EPM2A: variants seen among roughly 807,000 people sequenced by gnomAD.
EPM2A encodes the protein EPM2A glucan phosphatase, laforin.
A neutral mutation model predicts 26.5 loss-of-function variants in EPM2A; 21 were observed. That is an observed-to-expected ratio of 0.79 (90% CI 0.56 to 1.14). EPM2A has a LOEUF of 1.14. Ranked by LOEUF, EPM2A falls within the 50% of genes most tolerant of loss-of-function variation. EPM2A has a pLI of 0.00. For missense variants in EPM2A, 458 were observed against 440.8 expected, an observed-to-expected ratio of 1.04 and a Z score of -0.35; for synonymous variants, 217 against 177.6, an observed-to-expected ratio of 1.22 and a Z score of -1.76.
intron 2 of EPM2A, among the ~76,000 whole-genome samples, chr6:145,653,295 T>A (rs576359616): frequency 6.6e-6 from 1 of 152,290 alleles, no homozygotes; most frequent in Non-Finnish European, 1.5e-5. Context: ...TATCTGATGG[T>A]TTTATAAGGC....
chr6:145,569,234 T>C (rs1258890317), intron 2 of EPM2A, among the ~76,000 whole-genome samples: 3 of 152,230 alleles, frequency 2.0e-5, no homozygotes, highest in Non-Finnish European at 4.4e-5. Context: ...GCCGTGAATT[T>C]TGTAAACATG....
At chr6:145,434,925 T>C (rs1778969546) in intron 4 of EPM2A, among the ~76,000 whole-genome samples, 1 of 151,850 alleles carries the variant, frequency 6.6e-6, no homozygotes, top group South Asian at 2.1e-4. Context: ...GGTGCTGTCC[T>C]CAAGATAATA....
intron 2 of EPM2A, among the ~76,000 whole-genome samples, chr6:145,677,012 A>T (rs1780099392): frequency 6.6e-6 from 1 of 152,240 alleles, no homozygotes; most frequent in African/African-American, 2.4e-5. Context: ...ATCCCTGATG[A>T]ACATCGATGC....
chr6:145,656,641 G>C (rs1778311454), intron 2 of EPM2A, among the ~76,000 whole-genome samples: 1 of 151,010 alleles, frequency 6.6e-6, no homozygotes. Context: ...TCAATATCAG[G>C]TTTTGGCAAC....
chr6:145,496,024 T>A (rs992373683), intron 4 of EPM2A, among the ~76,000 whole-genome samples: 3 of 152,232 alleles, frequency 2.0e-5, no homozygotes, highest in Non-Finnish European at 2.9e-5. Flanking sequence ...AGCATTTGCT[T>A]GTCTCTAAAG....
intron 4 of EPM2A, among the ~76,000 whole-genome samples, chr6:145,468,600 C>A (rs1052831303): frequency 2.7e-5 from 4 of 150,412 alleles, no homozygotes; most frequent in African/African-American, 9.8e-5. Flanking sequence ...TAAAACTAGA[C>A]CTCTATCTCT....
chr6:145,582,101 T>C (rs145176859), intron 2 of EPM2A, among the ~76,000 whole-genome samples: 5 of 152,322 alleles, frequency 3.3e-5, no homozygotes, highest in African/African-American at 7.2e-5. Flanking sequence ...CCTCTTCACA[T>C]TGCTTTTGCT....
chr6:145,459,217 G>A (rs545531394), intron 4 of EPM2A, among the ~76,000 whole-genome samples: 1 of 152,320 alleles, frequency 6.6e-6, no homozygotes, highest in Admixed American at 6.5e-5. Flanking sequence ...AAATTACTAA[G>A]AGGTGATATC....
chr6:145,715,705 C>T (rs55658016), intron 1 of EPM2A, among the ~76,000 whole-genome samples: 10,158 of 152,124 alleles, frequency 0.067, 1,140 homozygotes, highest in African/African-American at 0.23. Context: ...CATAGGAGTG[C>T]AAACCCTATT....
chr6:145,619,065 G>C (rs1775575363), intron 2 of EPM2A, among the ~76,000 whole-genome samples: 1 of 152,068 alleles, frequency 6.6e-6, no homozygotes, highest in Non-Finnish European at 1.5e-5. Flanking sequence ...AAATGGAGGA[G>C]AGATGGCAAA....
At chr6:145,670,828 T>C (rs1315728672) in intron 2 of EPM2A, 64 of 778,928 alleles carry the variant, frequency 8.2e-5, no homozygotes, top group Non-Finnish European at 9.5e-5. Flanking sequence ...TTTGACCGTA[T>C]GAACAGCATT....
intron 2 of EPM2A, among the ~76,000 whole-genome samples, chr6:145,661,454 G>GC (rs1268805811): frequency 6.6e-6 from 1 of 152,164 alleles, no homozygotes; most frequent in Non-Finnish European, 1.5e-5. Context: ...TTGTTTAAAT[G>GC]CAAGGGAATC....
intron 2 of EPM2A, among the ~76,000 whole-genome samples, chr6:145,683,355 ATATAT>A (rs1300010796): frequency 4.7e-5 from 7 of 149,148 alleles, no homozygotes; most frequent in African/African-American, 7.3e-5. Context: ...ATACATACAC[ATATAT>A]TATTTATTAT....
In EPM2A at chr6:145,735,439, C is replaced by T; in HGVS notation, c.60G>A (p.Leu20=). Residue 20 remains leucine (L), a synonymous_variant, in exon 1 of 4, where the codon CTG becomes CTA. Transcript: ENST00000367519. ...GCTCGGGCCGCGACCCCACCACCAG[C>T]AGCTCCGGCCGGGCGCCGGCCACGG... ...PPAVAGARPE[L]LVVGSRPELG... 1 of 1,250,698 alleles carries T rather than the reference C, an allele frequency of 8.0e-7. No individual in the cohort carries two copies. The highest frequency in any genetic ancestry group is 2.7e-5 in the South Asian group (1 of 37,130). The allele number at this position is 1,250,698 out of a possible 1,614,324, so 77.5% of individuals were successfully genotyped here. A position where few individuals can be genotyped will look rare whatever the true frequency, so the allele number is the denominator to read the frequency against.
intron 1 of EPM2A, among the ~76,000 whole-genome samples, chr6:145,731,293 A>G (rs1023690935): frequency 2.6e-5 from 4 of 152,188 alleles, no homozygotes; most frequent in Non-Finnish European, 4.4e-5. Context: ...TAAACCTAAC[A>G]ACTTCAACAG....
Position 145,425,859 on chromosome 6 carries a change from A to C in EPM2A, c.556-41762T>G, listed in dbSNP as rs138956101. Among the ~76,000 whole-genome samples the C allele has an allele frequency of 2.6e-5, 4 of 152,250 alleles. No homozygotes were observed. The East Asian group carries it at 5.8e-4, about 22-fold the overall frequency. ...ATTCCTTTCCACTCACAAAGACTGC[A>C]GTGAACTTAGGTATTACTATTAGAT... On this transcript the variant is annotated intron_variant, in intron 4 of 4. Coordinates refer to the EPM2A transcript ENST00000638717.
chr6:145,617,366 G>A (rs1278339244), intron 2 of EPM2A, among the ~76,000 whole-genome samples: 1 of 152,052 alleles, frequency 6.6e-6, no homozygotes, highest in East Asian at 1.9e-4. Context: ...GTAAATAACC[G>A]AGTCTCAATT....
rs117106245 is a variant in EPM2A, at chr6:145,385,663, C to T, written c.556-1566G>A. On this transcript the variant is annotated intron_variant, in intron 4 of 4. Transcript: ENST00000638717. ...ACATAATTTAAAAATACCAAGGTGA[C>T]GGTGTTTCTGTACACAGACTTTCCA... is the stretch of plus-strand genomic sequence containing the variant. 2.8e-3 allele frequency among the ~76,000 whole-genome samples: 431 copies of T among 152,164 alleles called. 8 individuals carry two copies. The highest frequency in any genetic ancestry group is 0.019 in the East Asian group (98 of 5,188).
intron 1 of EPM2A, among the ~76,000 whole-genome samples, chr6:145,697,467 G>C (rs1396123105): frequency 5.9e-5 from 9 of 152,124 alleles, no homozygotes. Context: ...ATCTTATTAG[G>C]AGACAGGGTT....
Sources: allele counts gnomAD v4.1 joint callset (sites outside exome capture counted in the v4.1 genomes callset), GRCh38; gene constraint gnomAD v4.1.1; transcripts MANE v1.5; gene names NCBI Gene and HGNC (gene_info 2026-07-23, HGNC 2026-07-21).